The following COL6A5 variants were observed in gnomAD, a reference collection of about 807,000 sequenced individuals.
The protein encoded by COL6A5 is collagen type VI alpha 5 chain.
Under a neutral mutation model 65.6 loss-of-function variants are expected in COL6A5, and 48 were observed. The ratio of observed to expected loss-of-function variants is 0.73; its 90% CI spans 0.58 to 0.93. The LOEUF (loss-of-function observed/expected upper bound fraction) is 0.93. COL6A5 is among the 40% of genes least tolerant of loss of function. COL6A5 has a pLI of 0.00. For missense variants in COL6A5, 914 were observed against 928.3 expected, an observed-to-expected ratio of 0.98 and a Z score of 0.20; for synonymous variants, 291 against 322.8, an observed-to-expected ratio of 0.90 and a Z score of 1.05.
intron 28 of COL6A5, among the ~76,000 whole-genome samples, 163 bp from the exon 29 acceptor site, chr3:130,423,675 G>T (rs552156616): frequency 2.0e-4 from 31 of 152,258 alleles, no homozygotes; most frequent in African/African-American, 7.2e-4. Flanking sequence ...CTGTCATTAA[G>T]AATATATTGT....
chr3:130,391,724 C>G, exon 7 of COL6A5: 1 of 1,551,056 alleles, frequency 6.4e-7, no homozygotes, highest in Non-Finnish European at 8.7e-7. Flanking sequence ...CACACTTGTT[C>G]AAGAACGTAT....
exon 3 of COL6A5, chr3:130,440,618 A>G (rs1318268014): frequency 6.2e-7 from 1 of 1,613,426 alleles, no homozygotes; most frequent in Non-Finnish European, 8.5e-7. Context: ...TTATGAGAGA[A>G]AAGAATTTGT....
Position 130,450,619 on chromosome 3 carries a change from G to A in COL6A5, c.1333-4836G>A, listed in dbSNP as rs750980826. Among the ~76,000 whole-genome samples, 7 of 152,212 alleles carry A rather than the reference G, an allele frequency of 4.6e-5. 1 individual carries two copies. In the South Asian group the frequency reaches 8.3e-4, roughly 18 times the overall value. On this transcript the variant is annotated intron_variant, in intron 4 of 7. Coordinates refer to ENST00000512836, the Ensembl canonical transcript of COL6A5. ...CAGAACGCATGGCCATTTTACATTC[G>A]TGGTTTGCATTTTCAAAAGCTAACA...
intron 7 of COL6A5, among the ~76,000 whole-genome samples, chr3:130,479,133 TG>T (rs1710170946): frequency 6.6e-6 from 1 of 151,962 alleles, no homozygotes; most frequent in Non-Finnish European, 1.5e-5. Context: ...GATTAAGTCG[TG>T]GGGGTGGATC....
chr3:130,467,180 C>A (rs1355470421), intron 5 of COL6A5, among the ~76,000 whole-genome samples: 1 of 151,760 alleles, frequency 6.6e-6, no homozygotes, highest in East Asian at 1.9e-4. Context: ...TAGAAGCAGT[C>A]AATGTGTAAT....
At chr3:130,392,534 C>A (rs1244479908) in intron 7 of COL6A5, among the ~76,000 whole-genome samples, 1 of 152,154 alleles carries the variant, frequency 6.6e-6, no homozygotes. Flanking sequence ...GCCCAGTCCT[C>A]CCAATCTGGC....
chr3:130,419,988 A>G (rs967199100), intron 25 of COL6A5, among the ~76,000 whole-genome samples: 1 of 152,118 alleles, frequency 6.6e-6, no homozygotes. Flanking sequence ...TTATGGCTAC[A>G]CCCACAATCC....
At chr3:130,447,806 T>C (rs988727763) in intron 4 of COL6A5, among the ~76,000 whole-genome samples, 2 of 126,348 alleles carry the variant, frequency 1.6e-5, no homozygotes, top group African/African-American at 5.4e-5. Flanking sequence ...GAGGTAGAAA[T>C]AAGTTTGTCT....
chr3:130,401,282 T>C (rs557808139), intron 11 of COL6A5, 109 bp downstream of exon 11: 1 of 954,128 alleles, frequency 1.0e-6, no homozygotes, highest in East Asian at 2.7e-5. Context: ...CTAAATTAAG[T>C]GCTTTGTCCT....
intron 1 of COL6A5, among the ~76,000 whole-genome samples, chr3:130,347,464 G>A (rs562657202): frequency 2.3e-4 from 35 of 152,216 alleles, no homozygotes; most frequent in Non-Finnish European, 3.5e-4. Flanking sequence ...GGAAATGTCA[G>A]TAAAATTGGG....
chr3:130,409,407 G>T lies in COL6A5; in HGVS notation c.4542+19G>T. ...GGATCCGGTAAGTTTCTAGGGCCCA[G>T]TTGGCTCTGAATTTTATACTTGCTC... On this transcript the variant is annotated intron_variant and NMD_transcript_variant, in intron 18 of 41. Transcript: ENST00000312481. 1 of 1,542,488 alleles carries T rather than the reference G, an allele frequency of 6.5e-7. No homozygotes were observed. The highest frequency in any genetic ancestry group is 8.8e-7 in the Non-Finnish European group (1 of 1,142,124).
chr3:130,391,158 C>T, intron 6 of COL6A5, 21 bp from the exon 7 acceptor site: 1 of 1,526,344 alleles, frequency 6.6e-7, no homozygotes. Flanking sequence ...GTTTGTGACT[C>T]CTGTTTTCAT....
intron 5 of COL6A5, among the ~76,000 whole-genome samples, chr3:130,464,450 T>C (rs1190026325): frequency 6.6e-6 from 1 of 152,102 alleles, no homozygotes; most frequent in Non-Finnish European, 1.5e-5. Context: ...TCTTTATGTT[T>C]AACAAAGTGT....
intron 5 of COL6A5, among the ~76,000 whole-genome samples, chr3:130,468,581 A>T (rs924328767): frequency 6.6e-6 from 1 of 152,070 alleles, no homozygotes; most frequent in African/African-American, 2.4e-5. Context: ...TTCTTATGTG[A>T]CAATACATGT....
intron 1 of COL6A5, among the ~76,000 whole-genome samples, chr3:130,347,628 A>G (rs1472674516): frequency 1.3e-5 from 2 of 152,176 alleles, no homozygotes; most frequent in Non-Finnish European, 2.9e-5. Flanking sequence ...AGGCTGACAC[A>G]TATGTCTTGT....
At chr3:130,359,478 A>G (rs1383926181) in intron 1 of COL6A5, among the ~76,000 whole-genome samples, 8 of 152,116 alleles carry the variant, frequency 5.3e-5, no homozygotes, top group Non-Finnish European at 1.2e-4. Context: ...AAAAAATGTA[A>G]TTTTTAGGAC....
At chr3:130,421,260 G>A (rs1160386143) in intron 26 of COL6A5, 57 bp downstream of exon 26, 38 of 1,546,782 alleles carry the variant, frequency 2.5e-5, no homozygotes, top group Non-Finnish European at 1.8e-6. Context: ...AATAATACAA[G>A]AAGAAATGTT....
At chr3:130,478,253 G>T (rs1452301941) in intron 7 of COL6A5, among the ~76,000 whole-genome samples, 1 of 152,072 alleles carries the variant, frequency 6.6e-6, no homozygotes, top group African/African-American at 2.4e-5. Context: ...TCATGTTGAT[G>T]ATGACAGTGA....
At chr3:130,457,654 C>A (rs1471140511) in intron 5 of COL6A5, among the ~76,000 whole-genome samples, 1 of 152,044 alleles carries the variant, frequency 6.6e-6, no homozygotes, top group Non-Finnish European at 1.5e-5. Context: ...GCGTTTCAGA[C>A]AGAAGGATAA....
Sources: allele counts gnomAD v4.1 joint callset (sites outside exome capture counted in the v4.1 genomes callset), GRCh38; gene constraint gnomAD v4.1.1; transcripts MANE v1.5; gene names NCBI Gene and HGNC (gene_info 2026-07-23, HGNC 2026-07-21).